Variants in PARD3B observed in about 807,000 individuals in gnomAD.
PARD3B encodes the protein par-3 family cell polarity regulator beta, also known as partitioning defective 3 homolog B.
In PARD3B, 103 loss-of-function variants were observed where a neutral mutation model predicts 130.2. That is an observed-to-expected ratio of 0.79 (90% confidence interval 0.67 to 0.93). The LOEUF (loss-of-function observed/expected upper bound fraction) is 0.93. PARD3B is among the 40% of genes least tolerant of loss of function. The pLI is 0.00. For missense variants in PARD3B, 1,609 were observed against 1,499.2 expected, an observed-to-expected ratio of 1.07 and a Z score of -1.21; for synonymous variants, 583 against 553.2, an observed-to-expected ratio of 1.05 and a Z score of -0.76.
intron 22 of PARD3B, among the ~76,000 whole-genome samples, chr2:205,593,002 T>A (rs768071536): frequency 1.3e-5 from 2 of 152,238 alleles, no homozygotes; most frequent in Admixed American, 6.5e-5. Flanking sequence ...ATACCTTTTT[T>A]ATATACTTTA....
chr2:205,422,657 T>C (rs979725659), intron 19 of PARD3B, among the ~76,000 whole-genome samples: 2 of 152,170 alleles, frequency 1.3e-5, no homozygotes, highest in African/African-American at 2.4e-5. Flanking sequence ...TTTCCAACAT[T>C]TTATGGATCC....
At chr2:205,390,770 A>G (rs941658115) in intron 18 of PARD3B, among the ~76,000 whole-genome samples, 2 of 152,230 alleles carry the variant, frequency 1.3e-5, no homozygotes, top group Admixed American at 6.5e-5. Context: ...TTCTCCATGC[A>G]TAACAAGGCA....
intron 4 of PARD3B, among the ~76,000 whole-genome samples, chr2:205,070,895 T>A (rs1414418618): frequency 6.6e-6 from 1 of 152,192 alleles, no homozygotes; most frequent in Non-Finnish European, 1.5e-5. Flanking sequence ...ACTATTTCAT[T>A]TCTTCTACAT....
chr2:204,698,809 T>C (rs2037743054), intron 2 of PARD3B, among the ~76,000 whole-genome samples: 1 of 152,062 alleles, frequency 6.6e-6, no homozygotes, highest in Non-Finnish European at 1.5e-5. Context: ...AATTGTAGCG[T>C]TCCTCCTTTT....
At chr2:204,941,890 A>G (rs560281837) in intron 2 of PARD3B, among the ~76,000 whole-genome samples, 6 of 152,270 alleles carry the variant, frequency 3.9e-5, no homozygotes, top group East Asian at 1.9e-4. Flanking sequence ...CTAAATGTCA[A>G]ATATAACCAC....
intron 2 of PARD3B, among the ~76,000 whole-genome samples, chr2:204,914,706 T>C (rs1184597565): frequency 6.6e-6 from 1 of 152,016 alleles, no homozygotes; most frequent in Non-Finnish European, 1.5e-5. Context: ...GTGAAGAGGT[T>C]AGGAGCAGCT....
chr2:205,134,489 C>T (rs1321871477), intron 10 of PARD3B, among the ~76,000 whole-genome samples: 1 of 2,258 alleles, frequency 4.4e-4, no homozygotes, highest in Non-Finnish European at 0.019. Context: ...CATGCCACTG[C>T]ATCTAGCCTG....
intron 4 of PARD3B, among the ~76,000 whole-genome samples, chr2:205,071,192 A>G (rs1700705897): frequency 6.6e-6 from 1 of 152,156 alleles, no homozygotes; most frequent in Admixed American, 6.5e-5. Flanking sequence ...TTTGCTGAGT[A>G]GAAGCTCCTT....
intron 15 of PARD3B, among the ~76,000 whole-genome samples, chr2:205,238,831 G>A (rs1301050391): frequency 1.4e-4 from 3 of 20,816 alleles, no homozygotes; most frequent in African/African-American, 6.6e-4. Context: ...AAAAAACTCC[G>A]TTTCAAAAAA....
intron 3 of PARD3B, among the ~76,000 whole-genome samples, chr2:204,991,915 G>C (rs948280062): frequency 6.6e-5 from 10 of 150,582 alleles, no homozygotes; most frequent in African/African-American, 2.4e-4. Flanking sequence ...CCCACTTTTT[G>C]ATGGGGTTGT....
intron 2 of PARD3B, among the ~76,000 whole-genome samples, chr2:204,741,745 T>C (rs1426828659): frequency 6.6e-6 from 1 of 152,164 alleles, no homozygotes; most frequent in Non-Finnish European, 1.5e-5. Flanking sequence ...TAAAGTCATT[T>C]TAGGGGGCTG....
chr2:204,921,959 G>A (rs749234677), intron 2 of PARD3B, among the ~76,000 whole-genome samples: 2 of 152,068 alleles, frequency 1.3e-5, no homozygotes, highest in Non-Finnish European at 2.9e-5. Context: ...CTGGGGGTGT[G>A]GCATGGTAAG....
rs557143420 is a variant in PARD3B, at chr2:204,820,071, CTTTTT to C, written c.222+133806_222+133810del. On this transcript the variant is annotated intron_variant, in intron 2 of 22. Coordinates refer to ENST00000406610, the MANE Select transcript of PARD3B (RefSeq NM_001302769.2). ...GAAGGTGGCTACATTAAACAATAGACTTTTTTTTTTTTTTTTTTTTTGAGACGGAG... is the reference window on the plus strand; with the variant it reads ...GAAGGTGGCTACATTAAACAATAGACTTTTTTTTTTTTTTTTGAGACGGAG... Among the ~76,000 whole-genome samples the C allele has an allele frequency of 3.0e-5, 3 of 98,418 alleles. 1 individual carries two copies. The highest frequency in any genetic ancestry group is 8.9e-5 in the African/African-American group (2 of 22,446). The allele number at this position is 98,418 out of a possible 152,430, so 64.6% of individuals were successfully genotyped here. A position where few individuals can be genotyped will look rare whatever the true frequency, so the allele number is the denominator to read the frequency against.
chr2:205,367,030 A>G (rs1370019345), intron 18 of PARD3B, among the ~76,000 whole-genome samples: 1 of 152,212 alleles, frequency 6.6e-6, no homozygotes, highest in Non-Finnish European at 1.5e-5. Flanking sequence ...TCTTCTTGGT[A>G]AAAGCAGTGG....
At chr2:204,806,458 C>T (rs1272073764) in intron 2 of PARD3B, among the ~76,000 whole-genome samples, 3 of 152,078 alleles carry the variant, frequency 2.0e-5, no homozygotes, top group Non-Finnish European at 4.4e-5. Context: ...AAACTAGACC[C>T]CTCTCTCTTG....
chr2:205,087,744 C>G (rs1298103071), intron 4 of PARD3B, among the ~76,000 whole-genome samples: 1 of 152,074 alleles, frequency 6.6e-6, no homozygotes, highest in Non-Finnish European at 1.5e-5. Context: ...ACCATTTCAT[C>G]CGTGTTAGTA....
chr2:205,318,707 C>A (rs1189311153), intron 18 of PARD3B, among the ~76,000 whole-genome samples: 1 of 151,988 alleles, frequency 6.6e-6, no homozygotes, highest in South Asian at 2.1e-4. Context: ...AGAATTATTC[C>A]AACAAATGCA....
At chr2:205,044,397 G>C (rs1432771709) in intron 3 of PARD3B, among the ~76,000 whole-genome samples, 2 of 148,734 alleles carry the variant, frequency 1.3e-5, no homozygotes, top group African/African-American at 5.0e-5. Flanking sequence ...TTCCACAATG[G>C]TTGAACTAGT....
intron 18 of PARD3B, among the ~76,000 whole-genome samples, chr2:205,353,422 T>C (rs570203819): frequency 1.3e-5 from 2 of 152,296 alleles, no homozygotes; most frequent in South Asian, 4.1e-4. Context: ...GCTTAGAGAC[T>C]AGGCCTTACT....
Sources: gnomAD v4.1 joint callset for allele counts (sites outside exome capture counted in the v4.1 genomes callset) on GRCh38, gnomAD v4.1.1 for gene constraint, MANE v1.5 for transcripts, NCBI Gene and HGNC (gene_info 2026-07-23, HGNC 2026-07-21) for gene names.